CDK17: variants seen among roughly 807,000 people sequenced by gnomAD.
CDK17 encodes the protein cyclin dependent kinase 17.
Under a neutral mutation model 77.6 loss-of-function variants are expected in CDK17, and 24 were observed. That is an observed-to-expected ratio of 0.31 (90% confidence interval 0.22 to 0.44). CDK17 has a LOEUF of 0.44. Ranked by LOEUF, CDK17 falls within the 20% of genes least tolerant of loss-of-function variation. The pLI, the probability that CDK17 is intolerant of heterozygous loss-of-function variation, is 1.00. For synonymous variants in CDK17, 203 were observed against 210.4 expected, an observed-to-expected ratio of 0.96 and a Z score of 0.30; for missense variants, 429 against 622.5, an observed-to-expected ratio of 0.69 and a Z score of 3.31.
In CDK17 at chr12:96,381,602, C is replaced by T. The variant is rs544687429; in HGVS notation, c.-30+18384G>A. Among the ~76,000 whole-genome samples, 9 of 151,732 alleles carry T rather than the reference C, an allele frequency of 5.9e-5. No homozygotes were observed. The South Asian group carries it at 1.7e-3, about 28-fold the overall frequency. On this transcript the variant is annotated intron_variant, in intron 1 of 16. Coordinates refer to ENST00000261211, the MANE Select transcript of CDK17 (RefSeq NM_002595.5). ...CTGTCCATAGATCTACATTTTTTTG[C>T]CTGCCATTTACTAAAGTAGAATTAA...
At chr12:96,382,585 G>A (rs768986513) in intron 1 of CDK17, among the ~76,000 whole-genome samples, 8 of 151,990 alleles carry the variant, frequency 5.3e-5, no homozygotes, top group African/African-American at 1.2e-4. Flanking sequence ...CAATATCCCC[G>A]ATGAACATAG....
In CDK17 at chr12:96,323,680, C is replaced by A. The variant is rs1448605366; in HGVS notation, c.283+268G>T. On this transcript the variant is annotated intron_variant, in intron 3 of 16. Coordinates refer to ENST00000261211, the MANE Select transcript of CDK17 (RefSeq NM_002595.5). ...CATTACCCTAAAATAAACACCATCC[C>A]AAACTGCCATTCATCTTGAAATACT... Among the ~76,000 whole-genome samples, 3 of 152,222 alleles carry A rather than the reference C, an allele frequency of 2.0e-5. No individual in the cohort carries two copies. In the East Asian group the frequency reaches 5.8e-4, roughly 29 times the overall value.
In CDK17 at chr12:96,311,139, TCTG is replaced by T; in HGVS notation, c.453_455del (p.Arg152del). ...ACTTTTCAAGATATCCATCAGGTAT[TCTG>T]ATGTCTGCAGGCAGTGATAACCGCT... is the stretch of plus-strand genomic sequence containing the variant. On this transcript the variant is annotated inframe_deletion, in exon 5 of 17. Transcript: ENST00000261211. 6.3e-7 allele frequency: 1 copy of T among 1,592,108 alleles called. No individual in the cohort carries two copies. The highest frequency in any genetic ancestry group is 8.5e-7 in the Non-Finnish European group (1 of 1,172,554).
chr12:96,397,314 A>G (rs1207955421), intron 1 of CDK17, among the ~76,000 whole-genome samples: 1 of 152,130 alleles, frequency 6.6e-6, no homozygotes, highest in African/African-American at 2.4e-5. Flanking sequence ...TATTAAAGCA[A>G]TGACTTATTA....
At chr12:96,317,489 A>G (rs1476632014) in intron 3 of CDK17, among the ~76,000 whole-genome samples, 1 of 110,408 alleles carries the variant, frequency 9.1e-6, no homozygotes, top group Non-Finnish European at 1.9e-5. Context: ...TCCAAGACAC[A>G]TAATTGTCAG....
chr12:96,300,393 AC>A (rs1952481919), intron 5 of CDK17, 33 bp from the exon 6 acceptor site: 2 of 1,224,164 alleles, frequency 1.6e-6, no homozygotes, highest in Non-Finnish European at 2.3e-6. Flanking sequence ...TGTAGTATTT[AC>A]TTTTTTTTTT....
chr12:96,337,248 C>T (rs1228275407), intron 1 of CDK17, among the ~76,000 whole-genome samples: 1 of 151,878 alleles, frequency 6.6e-6, no homozygotes, highest in Non-Finnish European at 1.5e-5. Flanking sequence ...CTATTGAAAG[C>T]TCCATTCAAC....
At chr12:96,387,118 C>A in intron 1 of CDK17, 1 of 302,226 alleles carries the variant, frequency 3.3e-6, no homozygotes. Context: ...GTGACTGTTC[C>A]ATAGACCTGT....
chr12:96,281,003 G>GTC (rs1952172428), intron 15 of CDK17, 118 bp from the exon 16 acceptor site: 5 of 825,664 alleles, frequency 6.1e-6, no homozygotes, highest in Non-Finnish European at 5.4e-6. Flanking sequence ...ATTTTACAAG[G>GTC]TGATAGCCCT....
intron 1 of CDK17, among the ~76,000 whole-genome samples, chr12:96,383,412 A>AAAAC (rs1555207366): frequency 6.6e-6 from 1 of 151,626 alleles, no homozygotes; most frequent in Non-Finnish European, 1.5e-5. Context: ...AAGAAAAAAA[A>AAAAC]AAAAAACTCT....
intron 1 of CDK17, among the ~76,000 whole-genome samples, chr12:96,396,503 T>C (rs556692446): frequency 6.6e-6 from 1 of 152,354 alleles, no homozygotes; most frequent in African/African-American, 2.4e-5. Flanking sequence ...AGCACATTTT[T>C]AAATGCCATA....
chr12:96,289,767 A>AT (rs1952297070), intron 10 of CDK17, among the ~76,000 whole-genome samples: 1 of 152,178 alleles, frequency 6.6e-6, no homozygotes, highest in African/African-American at 2.4e-5. Context: ...ATTGGTCCAT[A>AT]ATCTCATTGA....
chr12:96,396,830 G>C (rs1304971476), intron 1 of CDK17, among the ~76,000 whole-genome samples: 5 of 152,094 alleles, frequency 3.3e-5, no homozygotes, highest in Non-Finnish European at 7.4e-5. Context: ...CCATGTAAAA[G>C]AATGCTAGCC....
chr12:96,344,724 A>G (rs1215944851), intron 1 of CDK17, among the ~76,000 whole-genome samples: 1 of 152,254 alleles, frequency 6.6e-6, no homozygotes, highest in African/African-American at 2.4e-5. Flanking sequence ...GACGTAAGAC[A>G]TAACACTGGT....
At chr12:96,338,447 G>A (rs1021656266) in intron 1 of CDK17, among the ~76,000 whole-genome samples, 17 of 152,096 alleles carry the variant, frequency 1.1e-4, no homozygotes, top group Non-Finnish European at 2.2e-4. Context: ...GATTCCCAAC[G>A]CACACTCCAA....
At chr12:96,363,828 G>T (rs150974960) in intron 1 of CDK17, among the ~76,000 whole-genome samples, 2 of 152,154 alleles carry the variant, frequency 1.3e-5, no homozygotes, top group African/African-American at 2.4e-5. Flanking sequence ...CAGCATGGGC[G>T]ACAGAACGAG....
chr12:96,296,574 G>A (rs530422370), intron 9 of CDK17, among the ~76,000 whole-genome samples: 7 of 152,226 alleles, frequency 4.6e-5, no homozygotes, highest in East Asian at 1.9e-4. Flanking sequence ...TTCAGAATAG[G>A]TTCTTACATA....
In CDK17 at chr12:96,286,032, A is replaced by C; in HGVS notation, c.1322+11T>G. The C allele has an allele frequency of 6.9e-7, 1 of 1,442,552 alleles. No individual in the cohort carries two copies. The highest frequency in any genetic ancestry group is 9.7e-7 in the Non-Finnish European group (1 of 1,032,942). The allele number at this position is 1,442,552 out of a possible 1,614,324, so 89.4% of individuals were successfully genotyped here. A position where few individuals can be genotyped will look rare whatever the true frequency, so the allele number is the denominator to read the frequency against. On this transcript the variant is annotated intron_variant, in intron 13 of 16. Transcript: ENST00000261211. Reference sequence around the variant, plus strand: ...GTGTTTTCCCCCCTTTCACATAAGAAAAAAAAATACCTGGGTGCGTGGTTA... The same window carrying C: ...GTGTTTTCCCCCCTTTCACATAAGACAAAAAAATACCTGGGTGCGTGGTTA...
intron 1 of CDK17, among the ~76,000 whole-genome samples, chr12:96,393,354 C>CAAAAAA (rs10633197): frequency 0.013 from 563 of 43,232 alleles, 35 homozygotes; most frequent in African/African-American, 0.022. Flanking sequence ...GGCTCCGCCT[C>CAAAAAA]AAAAAAAAAA....
Sources: allele counts gnomAD v4.1 joint callset (sites outside exome capture counted in the v4.1 genomes callset), GRCh38; gene constraint gnomAD v4.1.1; transcripts MANE v1.5; gene names NCBI Gene and HGNC (gene_info 2026-07-23, HGNC 2026-07-21).